PRKCA: variants seen among roughly 807,000 people sequenced by gnomAD.
PRKCA encodes the protein protein kinase C alpha type.
PRKCA carries 27 observed loss-of-function variants against 87.0 expected under a neutral mutation model. The observed-to-expected ratio is 0.31, with a 90% CI of 0.23 to 0.43. PRKCA has a LOEUF of 0.43. Ranked by LOEUF, PRKCA falls within the 20% of genes least tolerant of loss-of-function variation. The pLI, the probability that PRKCA is intolerant of heterozygous loss-of-function variation, is 1.00. For missense variants in PRKCA, 518 were observed against 852.3 expected (o/e 0.61, Z 4.88); for synonymous variants, 329 against 311.1 (o/e 1.06, Z -0.61).
intron 8 of PRKCA, among the ~76,000 whole-genome samples, chr17:66,727,957 C>T (rs1328210840): frequency 1.3e-5 from 2 of 152,192 alleles, no homozygotes; most frequent in Non-Finnish European, 2.9e-5. Flanking sequence ...CACTGGCTGT[C>T]TCCCTCAACC....
chr17:66,612,920 T>G (rs1431600189), intron 3 of PRKCA, among the ~76,000 whole-genome samples: 1 of 152,240 alleles, frequency 6.6e-6, no homozygotes, highest in Non-Finnish European at 1.5e-5. Context: ...CTATAGAGTA[T>G]GTATAAAGTC....
intron 3 of PRKCA, chr17:66,640,977 A>C (rs1201286639): frequency 1.2e-5 from 4 of 331,340 alleles, no homozygotes; most frequent in African/African-American, 2.2e-5. Context: ...CCTGGCCAAC[A>C]TGGTGAAACC....
intron 3 of PRKCA, among the ~76,000 whole-genome samples, chr17:66,596,524 A>G (rs1022458380): frequency 6.7e-6 from 1 of 149,952 alleles, no homozygotes; most frequent in African/African-American, 2.5e-5. Flanking sequence ...ATTTTAGTTC[A>G]TATCAGATGT....
At chr17:66,390,623 G>T (rs1910306233) in intron 2 of PRKCA, among the ~76,000 whole-genome samples, 1 of 152,130 alleles carries the variant, frequency 6.6e-6, no homozygotes, top group Non-Finnish European at 1.5e-5. Flanking sequence ...GACCCTCTTG[G>T]TGATGAATCC....
rs1968439244 is a variant in PRKCA, at chr17:66,554,560, A to G, written c.288+58277A>G. 3 of 959,808 alleles carry G rather than the reference A, an allele frequency of 3.1e-6. No homozygotes were observed. The South Asian group carries it at 1.5e-4, about 47-fold the overall frequency. 59.5% of individuals were successfully genotyped at this position (959,808 alleles called of 1,614,324 possible). A position where few individuals can be genotyped will look rare whatever the true frequency, so the allele number is the denominator to read the frequency against. ...TGCTAGTCTGCCTCTACCTTTTGAGATCCTACTCACTCTCCGAAGGTAAGG... is the reference window on the plus strand; with the variant it reads ...TGCTAGTCTGCCTCTACCTTTTGAGGTCCTACTCACTCTCCGAAGGTAAGG... On this transcript the variant is annotated intron_variant, in intron 3 of 16. Transcript: ENST00000413366.
intron 8 of PRKCA, among the ~76,000 whole-genome samples, chr17:66,711,607 A>T (rs1973329239): frequency 1.3e-5 from 2 of 152,094 alleles, no homozygotes; most frequent in African/African-American, 2.4e-5. Flanking sequence ...CTCTCAGCGT[A>T]TTGCCTGTGT....
intron 2 of PRKCA, among the ~76,000 whole-genome samples, chr17:66,313,589 A>G (rs1905174903): frequency 6.6e-6 from 1 of 152,208 alleles, no homozygotes. Context: ...TGTCTTGGGT[A>G]TAGGGTGAGA....
intron 5 of PRKCA, among the ~76,000 whole-genome samples, chr17:66,662,943 A>G (rs971350856): frequency 1.3e-5 from 2 of 152,122 alleles, no homozygotes; most frequent in Non-Finnish European, 2.9e-5. Context: ...CTCTGAGCCC[A>G]TTTGTGGGGA....
At chr17:66,411,607 A>T (rs1259933772) in intron 2 of PRKCA, among the ~76,000 whole-genome samples, 1 of 152,172 alleles carries the variant, frequency 6.6e-6, no homozygotes, top group African/African-American at 2.4e-5. Context: ...GGTAGTACTT[A>T]GATGCTTTTG....
chr17:66,774,330 G>A lies in PRKCA; in HGVS notation c.1605+263G>A, dbSNP rs982198578. ...CAGTGTCAGTTTCACGTTATGAAAT[G>A]TACATGTTGGCCAGGCGCGGTGGCT... On this transcript the variant is annotated intron_variant, in intron 14 of 16. Coordinates refer to ENST00000413366, the MANE Select transcript of PRKCA (RefSeq NM_002737.3). The A allele has an allele frequency of 6.9e-6, 9 of 1,296,748 alleles. No individual in the cohort carries two copies. The African/African-American group carries it at 1.4e-4, about 19-fold the overall frequency. The allele number at this position is 1,296,748 out of a possible 1,614,324, so 80.3% of individuals were successfully genotyped here. A position where few individuals can be genotyped will look rare whatever the true frequency, so the allele number is the denominator to read the frequency against.
At position 66,326,806 on chromosome 17, in the gene PRKCA, T is replaced by C. The variant is rs149836878; in HGVS notation, c.205+20679T>C. ...GGAATTTACTTAGATATGCCTCTTA[T>C]TCATCAGTATTTGAAAATTCTTGAT... is the stretch of plus-strand genomic sequence containing the variant. On this transcript the variant is annotated intron_variant, in intron 2 of 16. Coordinates refer to ENST00000413366, the MANE Select transcript of PRKCA (RefSeq NM_002737.3). Among the ~76,000 whole-genome samples the C allele has an allele frequency of 1.5e-3, 229 of 152,326 alleles. 1 individual carries two copies. Among genetic ancestry groups the C allele is most frequent in the African/African-American group, 5.3e-3 (221 of 41,576 alleles).
intron 3 of PRKCA, among the ~76,000 whole-genome samples, chr17:66,565,162 G>A (rs1968849259): frequency 6.6e-6 from 1 of 152,146 alleles, no homozygotes; most frequent in African/African-American, 2.4e-5. Context: ...ATGGGACTAA[G>A]TAATTCCTCT....
At chr17:66,467,925 C>T (rs1704814895) in intron 2 of PRKCA, among the ~76,000 whole-genome samples, 1 of 152,010 alleles carries the variant, frequency 6.6e-6, no homozygotes, top group Non-Finnish European at 1.5e-5. Flanking sequence ...TTCATGGCTC[C>T]CAGGAGCATT....
chr17:66,550,400 C>T (rs953473786), intron 3 of PRKCA, among the ~76,000 whole-genome samples: 6 of 152,262 alleles, frequency 3.9e-5, no homozygotes, highest in African/African-American at 1.4e-4. Context: ...TCTGTAATCC[C>T]AACACTTTGG....
At chr17:66,753,733 T>C (rs1415185419) in intron 13 of PRKCA, among the ~76,000 whole-genome samples, 2 of 151,944 alleles carry the variant, frequency 1.3e-5, no homozygotes, top group Non-Finnish European at 2.9e-5. Context: ...TCTGATAGGA[T>C]TAGTGTTCTT....
chr17:66,449,564 C>T (rs1190528660), intron 2 of PRKCA, among the ~76,000 whole-genome samples: 1 of 152,164 alleles, frequency 6.6e-6, no homozygotes, highest in Admixed American at 6.5e-5. Context: ...CCTAGCACAG[C>T]ACTAAATGCA....
intron 5 of PRKCA, among the ~76,000 whole-genome samples, chr17:66,686,385 G>A (rs919533677): frequency 8.5e-5 from 13 of 152,228 alleles, no homozygotes; most frequent in African/African-American, 3.1e-4. Context: ...CCAAGGTTCT[G>A]CATGTCTAAT....
intron 13 of PRKCA, among the ~76,000 whole-genome samples, chr17:66,751,899 A>T (rs1974437520): frequency 6.6e-6 from 1 of 152,212 alleles, no homozygotes; most frequent in Non-Finnish European, 1.5e-5. Flanking sequence ...ACTTTCAAAC[A>T]ACCAGATCTC....
intron 2 of PRKCA, among the ~76,000 whole-genome samples, chr17:66,421,290 T>C (rs1912475408): frequency 6.6e-6 from 1 of 152,264 alleles, no homozygotes; most frequent in South Asian, 2.1e-4. Context: ...CAGGCTCTTC[T>C]AATGGAACAG....
Sources: allele counts gnomAD v4.1 joint callset (sites outside exome capture counted in the v4.1 genomes callset), GRCh38; gene constraint gnomAD v4.1.1; transcripts MANE v1.5; gene names NCBI Gene and HGNC (gene_info 2026-07-23, HGNC 2026-07-21).